The following HERC2 variants were observed in gnomAD, a reference collection of about 807,000 sequenced individuals.
HERC2 encodes the protein E3 ubiquitin-protein ligase HERC2.
HERC2 carries 102 observed loss-of-function variants against 537.7 expected under a neutral mutation model. That is an observed-to-expected ratio of 0.19 (90% CI 0.16 to 0.22). HERC2 has a LOEUF of 0.22. Among genes scored for constraint, HERC2 ranks in the 10% least tolerant of loss-of-function variants. The pLI is 1.00. For synonymous variants in HERC2, 2,224 were observed against 2,466.2 expected (o/e 0.90, Z 2.91); for missense variants, 4,236 against 6,198.2 (o/e 0.68, Z 10.63).
At chr15:28,209,277 AT>A (rs1174909874) in intron 44 of HERC2, among the ~76,000 whole-genome samples, 1 of 152,182 alleles carries the variant, frequency 6.6e-6, no homozygotes, top group African/African-American at 2.4e-5. Context: ...GAATAAAACA[AT>A]TTTTTAAAAT....
At position 28,167,725 on chromosome 15, in the gene HERC2, C is replaced by T. The variant is rs753148118; in HGVS notation, c.10516G>A (p.Ala3506Thr). 3.1e-6 allele frequency: 5 copies of T among 1,614,146 alleles called. No homozygotes were observed. The highest frequency in any genetic ancestry group is 4.2e-6 in the Non-Finnish European group (5 of 1,180,022). ...GTCATGGTTTCTGCAATGATGCTTG[C>T]GGCTCCCAGGTCATCCGTCACTGGG... is the stretch of plus-strand genomic sequence containing the variant. ...FIPVTDDLGAASIIAETMTKT... is the reference protein window; with the variant it reads ...FIPVTDDLGATSIIAETMTKT... The change falls in exon 68 of 93, where the codon GCA (alanine) becomes ACA (threonine). Residue 3506 changes from alanine to threonine, a missense_variant. This residue lies in a region of HERC2 where 356 missense variants were observed against 450.9 expected (regional missense o/e 0.79). Transcript: ENST00000261609.
Position 28,144,439 on chromosome 15 carries a change from CCAG to C in HERC2, c.11141-207_11141-205del, listed in dbSNP as rs1455062147. Among the ~76,000 whole-genome samples, 7 of 152,322 alleles carry C rather than the reference CCAG, an allele frequency of 4.6e-5. No individual in the cohort carries two copies. The South Asian group carries it at 1.2e-3, about 27-fold the overall frequency. On this transcript the variant is annotated intron_variant, in intron 72 of 92. Coordinates refer to ENST00000261609, the MANE Select transcript of HERC2 (RefSeq NM_004667.6). The stretch of plus-strand genomic sequence containing the variant: ...GTAAACCAAAAGCCTAAGAACTGCA[CCAG>C]CAACAACTCCTTCCACACCAGGTGA...
chr15:28,161,638 CCT>C lies in HERC2; in HGVS notation c.10746+1454_10746+1455del, dbSNP rs369596282. 2.5e-3 allele frequency among the ~76,000 whole-genome samples: 374 copies of C among 152,302 alleles called. 2 individuals are homozygous for C. The highest frequency in any genetic ancestry group is 8.5e-3 in the African/African-American group (352 of 41,566). ...GTTGAGTGTTTTAAAACCTTCAGTT[CCT>C]CAGGTGCACTAGCCATATTTCAGTG... On this transcript the variant is annotated intron_variant, in intron 69 of 92. Coordinates refer to ENST00000261609, the MANE Select transcript of HERC2 (RefSeq NM_004667.6).
In HERC2 at chr15:28,233,371, T is replaced by C. The variant is rs370920798; in HGVS notation, c.4480-30A>G. 6.3e-5 allele frequency: 81 copies of C among 1,284,890 alleles called. No homozygotes were observed. In the African/African-American group the frequency reaches 1.2e-3, roughly 18 times the overall value. The allele number at this position is 1,284,890 out of a possible 1,614,324, so 79.6% of individuals were successfully genotyped here. The stretch of plus-strand genomic sequence containing the variant: ...AAAGTTAACCAGGAAAAGACAACTT[T>C]AACAACAAATATTTCAGCAACTGTC... On this transcript the variant is annotated intron_variant, in intron 29 of 92. Transcript: ENST00000261609.
At position 28,132,960 on chromosome 15, in the gene HERC2, G is replaced by GA. The variant is rs1237310143; in HGVS notation, c.12231-131dup. ...TAAATCAATCAAGAAGAATCATTCA[G>GA]ACCTAAACTCAAAAGTTCACCACTT... On this transcript the variant is annotated intron_variant, in intron 79 of 92. Coordinates refer to ENST00000261609, the MANE Select transcript of HERC2 (RefSeq NM_004667.6). 5.1e-6 allele frequency: 4 copies of GA among 784,744 alleles called. No homozygotes were observed. The African/African-American group carries it at 7.3e-5, about 14-fold the overall frequency. 48.6% of individuals were successfully genotyped at this position (784,744 alleles called of 1,614,324 possible).
intron 20 of HERC2, among the ~76,000 whole-genome samples, chr15:28,250,807 T>C (rs1017988346): frequency 2.0e-5 from 3 of 152,128 alleles, no homozygotes; most frequent in African/African-American, 7.2e-5. Context: ...TGTCTACCCA[T>C]GCAGGAGAGG....
At chr15:28,293,075 A>T in intron 3 of HERC2, 53 bp from the exon 4 acceptor site, 2 of 1,540,590 alleles carry the variant, frequency 1.3e-6, no homozygotes, top group East Asian at 4.5e-5. Flanking sequence ...ATGCCATACC[A>T]TTAGTCTCTG....
intron 15 of HERC2, among the ~76,000 whole-genome samples, chr15:28,262,710 T>C (rs1450277371): frequency 2.0e-5 from 3 of 152,102 alleles, no homozygotes; most frequent in Non-Finnish European, 2.9e-5. Flanking sequence ...CATTTTGTAA[T>C]AGACACCCAC....
intron 16 of HERC2, among the ~76,000 whole-genome samples, chr15:28,257,963 C>T (rs753407697): frequency 3.3e-5 from 5 of 151,946 alleles, no homozygotes; most frequent in African/African-American, 1.2e-4. Context: ...GAATTACAAG[C>T]GTGAGCCACC....
chr15:28,177,320 ATAATC>A lies in HERC2; in HGVS notation c.9254+94_9254+98del. 1 of 1,355,580 alleles carries A rather than the reference ATAATC, an allele frequency of 7.4e-7. No individual in the cohort carries two copies. The highest frequency in any genetic ancestry group is 1.0e-6 in the Non-Finnish European group (1 of 968,402). The allele number at this position is 1,355,580 out of a possible 1,614,324, so 84.0% of individuals were successfully genotyped here. A position where few individuals can be genotyped will look rare whatever the true frequency, so the allele number is the denominator to read the frequency against. ...AAAATTTTGTTTAAGAACCATTTCT[ATAATC>A]TATTCTATTCTAATTTTCTGCAAAA... On this transcript the variant is annotated intron_variant, in intron 60 of 92. Coordinates refer to ENST00000261609, the MANE Select transcript of HERC2 (RefSeq NM_004667.6). The surrounding 1 kb of genome is among the most constrained non-coding windows in gnomAD (Gnocchi z 5.0).
At chr15:28,189,391 T>C (rs1232484176) in intron 55 of HERC2, among the ~76,000 whole-genome samples, 1 of 152,228 alleles carries the variant, frequency 6.6e-6, no homozygotes, top group Admixed American at 6.6e-5. Context: ...AGTAAAAACA[T>C]CCTCTGAACT....
chr15:28,139,911 A>T (rs1310231862), intron 78 of HERC2, among the ~76,000 whole-genome samples: 1 of 151,062 alleles, frequency 6.6e-6, no homozygotes, highest in Non-Finnish European at 1.5e-5. Context: ...AAAAAAAAAA[A>T]AAAAAGATTA....
chr15:28,302,189 CT>C (rs1291895556), intron 2 of HERC2, among the ~76,000 whole-genome samples: 8 of 149,106 alleles, frequency 5.4e-5, no homozygotes, highest in African/African-American at 2.0e-4. Context: ...TCTACTCTAT[CT>C]CCATGAGTTC....
chr15:28,144,312 G>T, intron 72 of HERC2, 77 bp from the exon 73 acceptor site: 1 of 1,517,060 alleles, frequency 6.6e-7, no homozygotes, highest in South Asian at 1.2e-5. Flanking sequence ...AACGAACAAG[G>T]GTGGCTCCAC....
intron 69 of HERC2, among the ~76,000 whole-genome samples, chr15:28,160,396 G>C (rs1016202990): frequency 3.3e-5 from 5 of 152,172 alleles, no homozygotes; most frequent in Admixed American, 3.3e-4. Flanking sequence ...TTCAGCTTCC[G>C]GGCCGCTTTG....
At position 28,158,532 on chromosome 15, in the gene HERC2, C is replaced by T. The variant is rs184640036; in HGVS notation, c.10746+4562G>A. On this transcript the variant is annotated intron_variant, in intron 69 of 92. Coordinates refer to ENST00000261609, the MANE Select transcript of HERC2 (RefSeq NM_004667.6). ...TTTTGATCTTTGGTGGTTTAAAGTC[C>T]GTTTTATCAGAGACTAGGATTGCAA... 8.3e-3 allele frequency among the ~76,000 whole-genome samples: 1,268 copies of T among 152,108 alleles called. 16 individuals are homozygous for T. The highest frequency in any genetic ancestry group is 0.036 in the South Asian group (172 of 4,818).
chr15:28,246,656 C>G (rs1903736806), intron 22 of HERC2, 86 bp downstream of exon 22: 2 of 1,179,976 alleles, frequency 1.7e-6, no homozygotes, highest in Non-Finnish European at 2.3e-6. Context: ...AGAGTAAATG[C>G]AGGCATGCTG....
At chr15:28,128,368 GCA>G (rs1464621310) in intron 83 of HERC2, among the ~76,000 whole-genome samples, 1 of 152,214 alleles carries the variant, frequency 6.6e-6, no homozygotes, top group Non-Finnish European at 1.5e-5. Flanking sequence ...CAGCAGGACA[GCA>G]ACTCACTCTC....
At chr15:28,310,541 GT>G in intron 2 of HERC2, among the ~76,000 whole-genome samples, 1 of 152,252 alleles carries the variant, frequency 6.6e-6, no homozygotes, top group East Asian at 1.9e-4. Flanking sequence ...AGTTTAACTA[GT>G]GAATGGAAAG....
Sources: allele counts gnomAD v4.1 joint callset (sites outside exome capture counted in the v4.1 genomes callset), GRCh38; gene constraint gnomAD v4.1.1; regional missense constraint gnomAD v4.1.1; non-coding constraint Gnocchi (gnomAD v3.1); transcripts MANE v1.5; gene names NCBI Gene and HGNC (gene_info 2026-07-23, HGNC 2026-07-21).